Variants in GDPD4 observed in about 807,000 individuals in gnomAD.
GDPD4 encodes glycerophosphodiester phosphodiesterase 6.
Under a neutral mutation model 67.8 loss-of-function variants are expected in GDPD4, and 60 were observed. The observed-to-expected ratio is 0.88, with a 90% CI of 0.72 to 1.10. The LOEUF (loss-of-function observed/expected upper bound fraction) is 1.10, where lower values mean the gene tolerates loss of function less well. GDPD4 is among the 50% of genes least tolerant of loss of function. GDPD4 has a pLI of 0.00. For missense variants in GDPD4, 623 were observed against 613.9 expected (o/e 1.01, Z -0.16); for synonymous variants, 212 against 210.9 (o/e 1.00, Z -0.04).
intron 13 of GDPD4, among the ~76,000 whole-genome samples, chr11:77,235,016 T>TTTTTTG (rs1958528396): frequency 3.4e-5 from 4 of 119,178 alleles, no homozygotes; most frequent in African/African-American, 1.4e-4. Flanking sequence ...TCTGTTTTTT[T>TTTTTTG]TTTTTTTTTT....
chr11:77,216,888 A>G lies in GDPD4; in HGVS notation c.*389T>C, dbSNP rs1474866566. ...GATGCAATGGAATATATTGTGACAT[A>G]GGATTATTTGGAGTATTCAGCCATG... On this transcript the variant is annotated 3_prime_UTR_variant, in exon 17 of 17. Coordinates refer to ENST00000315938, the MANE Select transcript of GDPD4 (RefSeq NM_182833.3). The G allele has an allele frequency of 1.5e-6, 1 of 681,024 alleles. No individual in the cohort carries two copies. Among genetic ancestry groups the G allele is most frequent in the Non-Finnish European group, 2.7e-6 (1 of 375,020 alleles). The allele number at this position is 681,024 out of a possible 1,614,324, so 42.2% of individuals were successfully genotyped here. A position where few individuals can be genotyped will look rare whatever the true frequency, so the allele number is the denominator to read the frequency against.
chr11:77,222,787 G>C (rs1055722581), intron 16 of GDPD4, among the ~76,000 whole-genome samples: 2 of 152,198 alleles, frequency 1.3e-5, no homozygotes, highest in African/African-American at 4.8e-5. Context: ...TGCCTTGCTA[G>C]GTTGGGGATG....
At chr11:77,236,036 TAA>T (rs900217568) in intron 13 of GDPD4, among the ~76,000 whole-genome samples, 68 of 139,410 alleles carry the variant, frequency 4.9e-4, no homozygotes, top group African/African-American at 1.7e-3. Context: ...AACTAAAAAA[TAA>T]AAAGAGAGGG....
intron 14 of GDPD4, among the ~76,000 whole-genome samples, chr11:77,232,544 A>C (rs1264528696): frequency 1.3e-5 from 2 of 152,156 alleles, no homozygotes; most frequent in Non-Finnish European, 2.9e-5. Context: ...CCCTCTTCAA[A>C]AGCCATTTGT....
chr11:77,252,544 T>C (rs1471683858), intron 11 of GDPD4, among the ~76,000 whole-genome samples: 1 of 152,162 alleles, frequency 6.6e-6, no homozygotes, highest in Non-Finnish European at 1.5e-5. Flanking sequence ...TTTACTAGAG[T>C]TATTATGTTC....
intron 5 of GDPD4, among the ~76,000 whole-genome samples, chr11:77,272,348 T>C (rs1244283935): frequency 2.0e-5 from 3 of 152,174 alleles, no homozygotes; most frequent in Non-Finnish European, 4.4e-5. Context: ...TTAAACAACC[T>C]ATTAGGAAAA....
chr11:77,257,249 G>A (rs112120966), intron 11 of GDPD4, among the ~76,000 whole-genome samples: 1 of 152,136 alleles, frequency 6.6e-6, no homozygotes, highest in Non-Finnish European at 1.5e-5. Flanking sequence ...AATGAGTATA[G>A]CTGATTGGTC....
At chr11:77,297,745 T>C (rs978323527) in intron 1 of GDPD4, among the ~76,000 whole-genome samples, 2 of 152,102 alleles carry the variant, frequency 1.3e-5, no homozygotes, top group African/African-American at 4.8e-5. Flanking sequence ...AAGAACTTAG[T>C]TCTGGAAATA....
chr11:77,293,194 A>G (rs1937839701), intron 1 of GDPD4, among the ~76,000 whole-genome samples: 1 of 152,250 alleles, frequency 6.6e-6, no homozygotes, highest in Non-Finnish European at 1.5e-5. Context: ...AGTACAAACC[A>G]ATATCCCTTA....
At chr11:77,236,745 C>T (rs1223909469) in intron 13 of GDPD4, among the ~76,000 whole-genome samples, 2 of 152,132 alleles carry the variant, frequency 1.3e-5, no homozygotes, top group Admixed American at 6.5e-5. Context: ...CACACACACA[C>T]ACACACAAAT....
In GDPD4 at chr11:77,271,205, G is replaced by A. The variant is rs1301208425; in HGVS notation, c.325C>T (p.His109Tyr). Reference sequence around the variant, plus strand: ...ACCATCACAGTTATGCTGACCAGGTGCACGTAGGGAGCAAAGATCTGTGAG... The same window carrying A: ...ACCATCACAGTTATGCTGACCAGGTACACGTAGGGAGCAAAGATCTGTGAG... ...LSMQIFAPYV[H>Y]LVSITVMVIL... Residue 109 changes from histidine to tyrosine, a missense_variant, in exon 7 of 17, where the codon CAC (histidine) becomes TAC (tyrosine). Coordinates refer to ENST00000315938, the MANE Select transcript of GDPD4 (RefSeq NM_182833.3). 6.2e-7 allele frequency: 1 copy of A among 1,612,998 alleles called. No homozygotes were observed. Among genetic ancestry groups the A allele is most frequent in the African/African-American group, 1.3e-5 (1 of 74,860 alleles).
intron 13 of GDPD4, among the ~76,000 whole-genome samples, chr11:77,235,009 G>GTTTTTTTGTT (rs1958525203): frequency 1.9e-5 from 1 of 52,254 alleles, no homozygotes; most frequent in Non-Finnish European, 3.7e-5. Context: ...GTCAATATCT[G>GTTTTTTTGTT]TTTTTTTTTT....
At position 77,227,851 on chromosome 11, in the gene GDPD4, C is replaced by A. The variant is rs751406205; in HGVS notation, c.1525+13G>T. 15 of 1,604,618 alleles carry A rather than the reference C, an allele frequency of 9.3e-6. No homozygotes were observed. The highest frequency in any genetic ancestry group is 8.5e-7 in the Non-Finnish European group (1 of 1,171,776). On this transcript the variant is annotated intron_variant, in intron 16 of 16. Coordinates refer to ENST00000315938, the MANE Select transcript of GDPD4 (RefSeq NM_182833.3). ...GATGAAGAGACAGGAGTGGGCTAGG[C>A]CTCTGACTTTACCTGTGCGAGTGCT...
chr11:77,252,442 G>A (rs1958925345), intron 11 of GDPD4, among the ~76,000 whole-genome samples: 1 of 152,056 alleles, frequency 6.6e-6, no homozygotes, highest in Non-Finnish European at 1.5e-5. Context: ...TTGTTGAATT[G>A]TCTATTTTTT....
chr11:77,285,309 G>A (rs1959950719), intron 2 of GDPD4, 122 bp from the exon 3 acceptor site: 2 of 594,962 alleles, frequency 3.4e-6, no homozygotes, highest in Admixed American at 6.3e-5. Flanking sequence ...CCTGAGGCTG[G>A]AGTGATCACT....
chr11:77,280,017 C>T (rs567880407), intron 3 of GDPD4, among the ~76,000 whole-genome samples: 129 of 152,232 alleles, frequency 8.5e-4, no homozygotes, highest in Non-Finnish European at 1.3e-3. Flanking sequence ...AAGAATTAAA[C>T]TATAGGTTAG....
chr11:77,217,559 G>A (rs528729221), intron 16 of GDPD4, among the ~76,000 whole-genome samples: 2 of 152,208 alleles, frequency 1.3e-5, no homozygotes, highest in Non-Finnish European at 2.9e-5. Context: ...GAAGTCCTCA[G>A]AAAGCAGAGA....
chr11:77,235,536 A>T (rs1356667368), intron 13 of GDPD4, among the ~76,000 whole-genome samples: 1 of 152,258 alleles, frequency 6.6e-6, no homozygotes. Context: ...CAAATGTGAC[A>T]AATGATTTTT....
Position 77,217,188 on chromosome 11 carries a change from TGGGTAGAGCC to T in GDPD4, c.*79_*88del, listed in dbSNP as rs1253177502. 1 of 982,226 alleles carries T rather than the reference TGGGTAGAGCC, an allele frequency of 1.0e-6. No individual in the cohort carries two copies. The highest frequency in any genetic ancestry group is 1.7e-6 in the Non-Finnish European group (1 of 602,838). 60.8% of individuals were successfully genotyped at this position (982,226 alleles called of 1,614,324 possible). On this transcript the variant is annotated 3_prime_UTR_variant, in exon 17 of 17. Transcript: ENST00000315938. ...TGGCCTTGGTGTTCCTTTCCACTCT[TGGGTAGAGCC>T]GGGTAGAGGGCTGCTAGAGTCCAAG...
Sources: gnomAD v4.1 joint callset for allele counts (sites outside exome capture counted in the v4.1 genomes callset) on GRCh38, gnomAD v4.1.1 for gene constraint, MANE v1.5 for transcripts, NCBI Gene and HGNC (gene_info 2026-07-23, HGNC 2026-07-21) for gene names.